Variants in ZSCAN30 observed in about 807,000 individuals in gnomAD.
ZSCAN30 encodes the protein zinc finger and SCAN domain-containing protein 30.
In ZSCAN30, 37 loss-of-function variants were observed where a neutral mutation model predicts 44.3. That is an observed-to-expected ratio of 0.84 (90% CI 0.64 to 1.10). ZSCAN30 has a LOEUF of 1.10. ZSCAN30 is among the 50% of genes least tolerant of loss of function. The pLI, the probability that ZSCAN30 is intolerant of heterozygous loss-of-function variation, is 0.00. For missense variants in ZSCAN30, 549 were observed against 582.6 expected (o/e 0.94, Z 0.59); for synonymous variants, 181 against 204.6 (o/e 0.88, Z 0.98).
chr18:35,264,864 T>C (rs1245497156), intron 1 of ZSCAN30, among the ~76,000 whole-genome samples: 1 of 152,120 alleles, frequency 6.6e-6, no homozygotes, highest in Admixed American at 6.5e-5. Flanking sequence ...ATGCCCATTT[T>C]TGCCAGGCAC....
intron 3 of ZSCAN30, chr18:35,258,953 G>T (rs979390183): frequency 1.3e-5 from 2 of 149,584 alleles, no homozygotes; most frequent in African/African-American, 5.0e-5. Flanking sequence ...TGTTTTATGA[G>T]GACTCTGTAA....
At chr18:35,256,072 G>A (rs1159228238) in intron 3 of ZSCAN30, among the ~76,000 whole-genome samples, 1 of 151,930 alleles carries the variant, frequency 6.6e-6, no homozygotes, top group Non-Finnish European at 1.5e-5. Flanking sequence ...GTAACTTATG[G>A]GATTTAAATA....
At chr18:35,281,714 G>A (rs1458134957) in intron 1 of ZSCAN30, 1 of 152,050 alleles carries the variant, frequency 6.6e-6, no homozygotes, top group East Asian at 1.9e-4. Context: ...ATAACTTTGG[G>A]CCTCCCTGAG....
At chr18:35,287,765 T>A (rs1003163635) in intron 1 of ZSCAN30, among the ~76,000 whole-genome samples, 1 of 152,030 alleles carries the variant, frequency 6.6e-6, no homozygotes, top group African/African-American at 2.4e-5. Context: ...AAAGAGCCAA[T>A]TGATAAACTG....
At position 35,266,401 on chromosome 18, in the gene ZSCAN30, G is replaced by A. The variant is rs552619384; in HGVS notation, c.-103-1946C>T. ...ACTGTGAGAGACTGAGCTATGGGAG[G>A]CAAAAGACAAAAAGACGGGAGATTT... On this transcript the variant is annotated intron_variant, in intron 1 of 3. Coordinates refer to ENST00000333206, the MANE Select transcript of ZSCAN30 (RefSeq NM_001112734.4). 3.2e-4 allele frequency among the ~76,000 whole-genome samples: 48 copies of A among 152,166 alleles called. No individual in the cohort carries two copies. In the South Asian group the frequency reaches 9.8e-3, roughly 31 times the overall value.
chr18:35,278,587 T>C (rs745939547), intron 1 of ZSCAN30, among the ~76,000 whole-genome samples: 1 of 152,230 alleles, frequency 6.6e-6, no homozygotes, highest in Non-Finnish European at 1.5e-5. Flanking sequence ...ACCAAAACGT[T>C]TGTCCCAGTG....
chr18:35,253,833 C>T lies in ZSCAN30; in HGVS notation c.1102G>A (p.Gly368Ser), dbSNP rs774891655. Reference sequence around the variant, plus strand: ...CGATGCCTGATGAGCTCTGAACTGCCCCTGAAGGCTTTTCCACATTCACAA... The same window carrying T: ...CGATGCCTGATGAGCTCTGAACTGCTCCTGAAGGCTTTTCCACATTCACAA... The part of the protein sequence containing the change: ...ECCECGKAFR[G>S]SSELIRHRRI... Residue 368 changes from glycine (G) to serine (S), a missense_variant, in exon 4 of 4, where the codon GGC becomes AGC. Gly to Ser is a moderately conservative substitution (Grantham distance 56). Coordinates refer to ENST00000333206, the MANE Select transcript of ZSCAN30 (RefSeq NM_001112734.4). The T allele has an allele frequency of 6.2e-7, 1 of 1,614,086 alleles. No individual in the cohort carries two copies. Among genetic ancestry groups the T allele is most frequent in the Non-Finnish European group, 8.5e-7 (1 of 1,180,006 alleles).
intron 1 of ZSCAN30, among the ~76,000 whole-genome samples, chr18:35,288,944 C>T (rs2044601315): frequency 7.8e-6 from 1 of 127,590 alleles, no homozygotes; most frequent in Non-Finnish European, 1.6e-5. Context: ...TCAGTTATAC[C>T]TCAATAAAGC....
At chr18:35,265,120 TG>T (rs1170242365) in intron 1 of ZSCAN30, among the ~76,000 whole-genome samples, 4 of 150,550 alleles carry the variant, frequency 2.7e-5, no homozygotes, top group African/African-American at 9.8e-5. Flanking sequence ...CACTCCAGCC[TG>T]GGCAACAGAG....
intron 3 of ZSCAN30, chr18:35,262,332 A>G (rs962586066): frequency 1.3e-5 from 2 of 152,198 alleles, no homozygotes; most frequent in African/African-American, 4.8e-5. Flanking sequence ...TATACCTGAT[A>G]TATCTGCTGC....
chr18:35,256,628 A>G (rs772399393), intron 3 of ZSCAN30, among the ~76,000 whole-genome samples: 23 of 152,238 alleles, frequency 1.5e-4, no homozygotes, highest in Non-Finnish European at 1.5e-4. Context: ...CCCAATTACT[A>G]TCTCCCAAGA....
chr18:35,254,079 A>G lies in ZSCAN30; in HGVS notation c.856T>C (p.Ser286Pro). The change falls in exon 4 of 4, where the codon TCA (serine) becomes CCA (proline). Residue 286 changes from serine (S) to proline (P), a missense_variant. Transcript: ENST00000333206. ...ACGCTCTGTTGTGTAATATCATTTG[A>G]ATTCATACTGAAACTTCCTTCACTC... The part of the protein sequence containing the change: ...HESEGSFSMN[S>P]NDITQQSVDT... The G allele has an allele frequency of 6.2e-7, 1 of 1,614,104 alleles. No homozygotes were observed. The highest frequency in any genetic ancestry group is 8.5e-7 in the Non-Finnish European group (1 of 1,180,006).
At chr18:35,257,814 C>A (rs2043890140) in intron 3 of ZSCAN30, 1 of 770,702 alleles carries the variant, frequency 1.3e-6, no homozygotes, top group Admixed American at 1.7e-5. Context: ...TGCAATTATG[C>A]TTCAGCGGCC....
intron 1 of ZSCAN30, among the ~76,000 whole-genome samples, chr18:35,273,862 G>GT (rs755512648): frequency 6.6e-6 from 1 of 152,156 alleles, no homozygotes; most frequent in Non-Finnish European, 1.5e-5. Context: ...ATAAAAAACA[G>GT]TATTTTATCC....
Position 35,272,862 on chromosome 18 carries a change from C to T in ZSCAN30, c.-103-8407G>A, listed in dbSNP as rs566748223. ...ATGGTGGAAGGTGAAAGGCATGTCT[C>T]ACATGACAACAGCACAAGGGAGAAT... On this transcript the variant is annotated intron_variant, in intron 1 of 3. Coordinates refer to ENST00000333206, the MANE Select transcript of ZSCAN30 (RefSeq NM_001112734.4). Among the ~76,000 whole-genome samples, 367 of 152,322 alleles carry T rather than the reference C, an allele frequency of 2.4e-3. 1 individual carries two copies. The highest frequency in any genetic ancestry group is 8.6e-3 in the African/African-American group (358 of 41,564).
In ZSCAN30 at chr18:35,271,706, G is replaced by A. The variant is rs571845870; in HGVS notation, c.-103-7251C>T. On this transcript the variant is annotated intron_variant, in intron 1 of 3. Coordinates refer to ENST00000333206, the MANE Select transcript of ZSCAN30 (RefSeq NM_001112734.4). ...GACCGGGCACCACGGAGCAGGGGGC[G>A]GCACCCGCCGGGGAGGCTCCAGCTG... 5.9e-5 allele frequency among the ~76,000 whole-genome samples: 9 copies of A among 152,350 alleles called. No homozygotes were observed. The South Asian group carries it at 1.4e-3, about 25-fold the overall frequency.
intron 1 of ZSCAN30, among the ~76,000 whole-genome samples, chr18:35,266,344 GA>G (rs2044148509): frequency 1.3e-5 from 2 of 152,114 alleles, no homozygotes; most frequent in South Asian, 4.1e-4. Context: ...GAAGACATGG[GA>G]AGGGGTTTGT....
Position 35,263,519 on chromosome 18 carries a change from C to G in ZSCAN30, c.547G>C (p.Glu183Gln). Residue 183 changes from glutamate (E) to glutamine (Q), a missense_variant, in exon 3 of 4, where the codon GAG becomes CAG. Transcript: ENST00000333206. ...TETQESQAFQ[E>Q]RDGRMVAGKV... is the part of the protein sequence containing the mutation. ...ATGGACTGGGGCTTCTCACCTCTCT[C>G]CTGGAAAGCCTGGGACTCCTGAGTC... 6.2e-7 allele frequency: 1 copy of G among 1,614,206 alleles called. No individual in the cohort carries two copies. The highest frequency in any genetic ancestry group is 8.5e-7 in the Non-Finnish European group (1 of 1,180,038).
At chr18:35,269,264 ACAT>A (rs1179134951) in intron 1 of ZSCAN30, 1 of 152,236 alleles carries the variant, frequency 6.6e-6, no homozygotes, top group African/African-American at 2.4e-5. Context: ...TTGAAGTGAA[ACAT>A]CATAATAACC....
Sources: gnomAD v4.1 joint callset for allele counts (sites outside exome capture counted in the v4.1 genomes callset) on GRCh38, gnomAD v4.1.1 for gene constraint, MANE v1.5 for transcripts, NCBI Gene and HGNC (gene_info 2026-07-23, HGNC 2026-07-21) for gene names.